MPRIP: variants seen among roughly 807,000 people sequenced by gnomAD.
MPRIP encodes the protein myosin phosphatase Rho interacting protein.
Under a neutral mutation model 234.9 loss-of-function variants are expected in MPRIP, and 59 were observed. The ratio of observed to expected loss-of-function variants is 0.25; its 90% confidence interval spans 0.20 to 0.31. MPRIP has a LOEUF of 0.31. Ranked by LOEUF, MPRIP falls within the 10% of genes least tolerant of loss-of-function variation. The probability of loss-of-function intolerance (pLI) is 1.00; values close to 1 mark genes in which losing one functional copy is unlikely to be tolerated. For synonymous variants in MPRIP, 1,144 were observed against 1,263.9 expected (o/e 0.91, Z 2.01); for missense variants, 2,436 against 3,071.0 (o/e 0.79, Z 4.89).
intron 13 of MPRIP, 110 bp downstream of exon 13, chr17:17,154,525 C>A: frequency 1.2e-6 from 1 of 811,190 alleles, no homozygotes; most frequent in East Asian, 2.6e-5. Flanking sequence ...TCAGTGCATC[C>A]CAGTCTGCTG....
intron 3 of MPRIP, among the ~76,000 whole-genome samples, chr17:17,114,889 G>A (rs1197861529): frequency 3.3e-5 from 5 of 152,236 alleles, no homozygotes; most frequent in Non-Finnish European, 1.5e-5. Flanking sequence ...GGAACTTCCT[G>A]GTCTTGGCAG....
chr17:17,065,467 T>C (rs2088995692), intron 1 of MPRIP, among the ~76,000 whole-genome samples: 1 of 151,920 alleles, frequency 6.6e-6, no homozygotes, highest in Non-Finnish European at 1.5e-5. Context: ...TTGAATTCTT[T>C]CTGCACCTTT....
chr17:17,139,085 T>C (rs2090761912), intron 7 of MPRIP, among the ~76,000 whole-genome samples: 1 of 152,214 alleles, frequency 6.6e-6, no homozygotes, highest in Non-Finnish European at 1.5e-5. Flanking sequence ...CATCCGGGCC[T>C]AGGGCAGGGA....
intron 11 of MPRIP, among the ~76,000 whole-genome samples, chr17:17,149,009 A>G (rs746482093): frequency 6.6e-5 from 10 of 152,188 alleles, no homozygotes; most frequent in Non-Finnish European, 1.2e-4. Flanking sequence ...TGTGTAGACA[A>G]TTGGAAGCTG....
intron 3 of MPRIP, among the ~76,000 whole-genome samples, chr17:17,093,028 G>T (rs1469087383): frequency 6.6e-6 from 1 of 152,224 alleles, no homozygotes; most frequent in South Asian, 2.1e-4. Flanking sequence ...GGGTAAGAGG[G>T]CTGTTGCATA....
Position 17,162,296 on chromosome 17 carries a change from C to A in MPRIP, c.2517+940C>A, listed in dbSNP as rs1013087002. Reference sequence around the variant, plus strand: ...TTAGACCCAGTGATCCCTGAGGGCCCTTCCGGCTCTTAGACCCCGAGTCTC... The same window carrying A: ...TTAGACCCAGTGATCCCTGAGGGCCATTCCGGCTCTTAGACCCCGAGTCTC... On this transcript the variant is annotated intron_variant, in intron 15 of 23. Coordinates refer to ENST00000651222, the MANE Select transcript of MPRIP (RefSeq NM_001364716.4). Among the ~76,000 whole-genome samples the A allele has an allele frequency of 7.2e-5, 11 of 152,328 alleles. No individual in the cohort carries two copies. The East Asian group carries it at 7.7e-4, about 11-fold the overall frequency.
chr17:17,073,762 T>G (rs759679900), intron 1 of MPRIP, among the ~76,000 whole-genome samples: 6 of 152,188 alleles, frequency 3.9e-5, no homozygotes, highest in Non-Finnish European at 7.3e-5. Flanking sequence ...CCTTGAGGTT[T>G]GCTGGGCACA....
chr17:17,177,485 G>C (rs1214930684), intron 22 of MPRIP, 73 bp downstream of exon 22: 5 of 1,514,346 alleles, frequency 3.3e-6, no homozygotes, highest in Non-Finnish European at 4.5e-6. Context: ...AGGTTTCCCG[G>C]TGCTTGACTT....
At chr17:17,169,000 C>G (rs1405264833) in intron 16 of MPRIP, 1 of 456,978 alleles carries the variant, frequency 2.2e-6, no homozygotes, top group South Asian at 1.5e-5. Context: ...CATGTCACCT[C>G]TGTGTGACGG....
intron 12 of MPRIP, among the ~76,000 whole-genome samples, chr17:17,153,692 T>C (rs370090277): frequency 6.6e-6 from 1 of 151,908 alleles, no homozygotes; most frequent in African/African-American, 2.4e-5. Context: ...ATACCCCTTT[T>C]GTTACTTCTG....
chr17:17,180,121 G>A (rs2046342110), intron 23 of MPRIP, 33 bp downstream of exon 23: 1 of 1,512,770 alleles, frequency 6.6e-7, no homozygotes, highest in South Asian at 1.2e-5. Context: ...TGGTGGGAGG[G>A]GCTTGAGGGA....
At chr17:17,045,097 C>G (rs2088303454) in intron 1 of MPRIP, among the ~76,000 whole-genome samples, 1 of 152,194 alleles carries the variant, frequency 6.6e-6, no homozygotes. Flanking sequence ...TCCCATCAGT[C>G]TCCCCCAAGC....
At chr17:17,128,021 C>T (rs527927503) in intron 4 of MPRIP, among the ~76,000 whole-genome samples, 2 of 152,304 alleles carry the variant, frequency 1.3e-5, no homozygotes, top group South Asian at 4.1e-4. Flanking sequence ...TTCTGTCTCC[C>T]ACAATCTTAA....
At chr17:17,058,238 C>T (rs143870486) in intron 1 of MPRIP, among the ~76,000 whole-genome samples, 30 of 152,274 alleles carry the variant, frequency 2.0e-4, no homozygotes, top group African/African-American at 6.0e-4. Context: ...TGTTTGTGGT[C>T]CTTCAAGCCC....
In MPRIP at chr17:17,165,290, C is replaced by G; in HGVS notation, c.3699C>G (p.Thr1233=). 1 of 1,304,020 alleles carries G rather than the reference C, an allele frequency of 7.7e-7. No homozygotes were observed. Among genetic ancestry groups the G allele is most frequent in the Non-Finnish European group, 1.0e-6 (1 of 988,956 alleles). 80.8% of individuals were successfully genotyped at this position (1,304,020 alleles called of 1,614,324 possible). Residue 1233 remains threonine (T), a synonymous_variant, in exon 16 of 24, where the codon ACC becomes ACG. Coordinates refer to ENST00000651222, the MANE Select transcript of MPRIP (RefSeq NM_001364716.4). ...SPKDMEEPRS[T]PEETERDGTL... ...AGGACATGGAAGAGCCACGGAGTAC[C>G]CCTGAAGAGACAGAAAGGGATGGCA...
chr17:17,055,226 G>C (rs141246391), intron 1 of MPRIP, among the ~76,000 whole-genome samples: 1 of 152,252 alleles, frequency 6.6e-6, no homozygotes, highest in East Asian at 1.9e-4. Context: ...TTTGATGGGT[G>C]TATGAGTTGC....
At chr17:17,145,249 G>A (rs1158343284) in intron 9 of MPRIP, among the ~76,000 whole-genome samples, 3 of 152,192 alleles carry the variant, frequency 2.0e-5, no homozygotes, top group Non-Finnish European at 2.9e-5. Flanking sequence ...ATTCTTGCCT[G>A]TTCTCACTCT....
intron 1 of MPRIP, among the ~76,000 whole-genome samples, chr17:17,048,902 A>G (rs953860954): frequency 2.0e-5 from 3 of 152,200 alleles, no homozygotes; most frequent in African/African-American, 7.2e-5. Context: ...TAACAGCACT[A>G]CTCACAATAG....
intron 3 of MPRIP, among the ~76,000 whole-genome samples, chr17:17,119,009 G>A (rs1012937465): frequency 6.6e-6 from 1 of 152,168 alleles, no homozygotes; most frequent in East Asian, 1.9e-4. Context: ...AGCAAGAAGA[G>A]CCGGGAGACC....
Sources: allele counts gnomAD v4.1 joint callset (sites outside exome capture counted in the v4.1 genomes callset), GRCh38; gene constraint gnomAD v4.1.1; transcripts MANE v1.5; gene names NCBI Gene and HGNC (gene_info 2026-07-23, HGNC 2026-07-21).